The following NSDHL variants were observed in gnomAD, a reference collection of about 807,000 sequenced individuals.
NSDHL encodes the protein NAD(P) dependent 3-beta-hydroxysteroid dehydrogenase NSDHL.
A neutral mutation model predicts 23.0 loss-of-function variants in NSDHL; 1 was observed. The observed-to-expected ratio is 0.04, with a 90% CI of 0.02 to 0.21. The LOEUF is 0.21. Ranked by LOEUF, NSDHL falls within the 10% of genes least tolerant of loss-of-function variation. The pLI is 1.00. For synonymous variants in NSDHL, 128 were observed against 121.1 expected, an observed-to-expected ratio of 1.06 and a Z score of -0.37; for missense variants, 237 against 300.9, an observed-to-expected ratio of 0.79 and a Z score of 1.57.
intron 1 of NSDHL, among the ~76,000 whole-genome samples, chrX:152,837,667 G>A (rs1461234098): frequency 8.9e-6 from 1 of 112,026 alleles, no homozygotes; most frequent in Non-Finnish European, 1.9e-5. Context: ...TGGTGGATAA[G>A]CTTTTTGACA....
At chrX:152,843,362 G>A (rs1284847480) in intron 1 of NSDHL, among the ~76,000 whole-genome samples, 2 of 112,175 alleles carry the variant, frequency 1.8e-5, no homozygotes, top group Non-Finnish European at 3.8e-5. Flanking sequence ...ACCACAAACT[G>A]GGTGACTTAG....
chrX:152,865,364 C>T (rs1366610479), intron 5 of NSDHL, among the ~76,000 whole-genome samples: 1 of 112,513 alleles, frequency 8.9e-6, no homozygotes, highest in Non-Finnish European at 1.9e-5. Context: ...AGGTGATACT[C>T]AGAATTGCCT....
chrX:152,865,722 G>A, intron 5 of NSDHL, 97 bp from the exon 6 acceptor site: 1 of 1,050,084 alleles, frequency 9.5e-7, no homozygotes, highest in Non-Finnish European at 1.3e-6. Flanking sequence ...TCATCTGTCT[G>A]TCCCCCACGA....
chrX:152,860,277 G>A (rs1933505596), intron 4 of NSDHL, among the ~76,000 whole-genome samples: 1 of 112,101 alleles, frequency 8.9e-6, no homozygotes, highest in Admixed American at 9.5e-5. Flanking sequence ...GGGGCTAAAC[G>A]ATGTCTCTTT....
chrX:152,839,142 A>G (rs782700559), intron 1 of NSDHL, among the ~76,000 whole-genome samples: 49 of 110,790 alleles, frequency 4.4e-4, no homozygotes, highest in African/African-American at 1.5e-3. Flanking sequence ...TTTGCTTTCC[A>G]TTTGCTTGGT....
chrX:152,868,217 A>T (rs188517045), intron 7 of NSDHL, among the ~76,000 whole-genome samples: 62 of 105,631 alleles, frequency 5.9e-4, no homozygotes, highest in African/African-American at 2.0e-3. Flanking sequence ...GGTTCACTGC[A>T]ACCTCCGTCT....
chrX:152,850,733 C>T (rs1377862241), intron 3 of NSDHL, among the ~76,000 whole-genome samples: 1 of 112,397 alleles, frequency 8.9e-6, no homozygotes, highest in African/African-American at 3.2e-5. Context: ...ATTGTTCCAA[C>T]TGCAAAACAA....
Position 152,862,670 on chromosome X carries a change from C to G in NSDHL, c.489C>G (p.Pro163=), listed in dbSNP as rs1372628849. The G allele has an allele frequency of 5.0e-6, 6 of 1,203,541 alleles. No homozygotes were observed. Among genetic ancestry groups the G allele is most frequent in the African/African-American group, 1.8e-5 (1 of 56,994 alleles). Residue 163 remains proline (P), a synonymous_variant, in exon 5 of 8, where the codon CCC becomes CCG. Transcript: ENST00000370274. The part of the protein sequence containing the change: ...VDIKNGTEDL[P]YAMKPIDYYT... Reference sequence around the variant, plus strand: ...TCAAGAATGGAACTGAAGACCTTCCCTATGCCATGAAACCCATTGACTACT... The same window carrying G: ...TCAAGAATGGAACTGAAGACCTTCCGTATGCCATGAAACCCATTGACTACT...
At chrX:152,844,521 G>C (rs1933242104) in intron 1 of NSDHL, among the ~76,000 whole-genome samples, 1 of 112,554 alleles carries the variant, frequency 8.9e-6, no homozygotes, top group Non-Finnish European at 1.9e-5. Context: ...GCCTTGGTGG[G>C]GTCAGAGGCC....
intron 3 of NSDHL, 84 bp from the exon 4 acceptor site, chrX:152,858,686 C>A: frequency 1.2e-6 from 1 of 848,962 alleles, no homozygotes; most frequent in Non-Finnish European, 1.8e-6. Flanking sequence ...AACCTACAAG[C>A]CACAGGTTGG....
chrX:152,854,377 G>A (rs1307260823), intron 3 of NSDHL, among the ~76,000 whole-genome samples: 1 of 111,367 alleles, frequency 9.0e-6, no homozygotes, highest in Admixed American at 9.5e-5. Flanking sequence ...TGAAAGACAT[G>A]GCAGGAGAGG....
At chrX:152,844,258 T>G (rs1933237967) in intron 1 of NSDHL, among the ~76,000 whole-genome samples, 2 of 112,571 alleles carry the variant, frequency 1.8e-5, no homozygotes, top group Admixed American at 9.3e-5. Context: ...CCCCGAGGGC[T>G]ACCTGCTGGT....
chrX:152,862,760 A>T, intron 5 of NSDHL, 36 bp downstream of exon 5: 1 of 1,173,848 alleles, frequency 8.5e-7, no homozygotes, highest in Non-Finnish European at 1.2e-6. Flanking sequence ...GAGCAGACTG[A>T]AGGGTTTAGA....
intron 6 of NSDHL, 23 bp downstream of exon 6, chrX:152,865,984 TTCCC>T (rs1933602066): frequency 8.3e-7 from 1 of 1,207,341 alleles, no homozygotes; most frequent in African/African-American, 1.7e-5. Flanking sequence ...ACAGCGGCTC[TTCCC>T]TAGTCCTTCC....
rs150188455 is a variant in NSDHL at position 152,863,836 on chromosome X, G to A, written c.543+1112G>A. ...CCCACTGAGGTTTTCTCGCAAAGCCGGTACATGCTGTACTGGAGCTGAACA... is the reference window on the plus strand; with the variant it reads ...CCCACTGAGGTTTTCTCGCAAAGCCAGTACATGCTGTACTGGAGCTGAACA... On this transcript the variant is annotated intron_variant, in intron 5 of 7. Coordinates refer to ENST00000370274, the MANE Select transcript of NSDHL (RefSeq NM_015922.3). 2.1e-4 allele frequency among the ~76,000 whole-genome samples: 23 copies of A among 111,975 alleles called. No homozygotes were observed. The East Asian group carries it at 6.2e-3, about 30-fold the overall frequency.
At chrX:152,846,080 G>A (rs782008149) in intron 1 of NSDHL, among the ~76,000 whole-genome samples, 4 of 112,985 alleles carry the variant, frequency 3.5e-5, no homozygotes, top group African/African-American at 6.4e-5. Flanking sequence ...AGGCCCAGTC[G>A]TTGGCCCCGT....
At chrX:152,846,518 A>T (rs374448578) in intron 2 of NSDHL, 86 bp downstream of exon 2, 1 of 618,591 alleles carries the variant, frequency 1.6e-6, no homozygotes, top group Non-Finnish European at 2.8e-6. Flanking sequence ...TGTATTAATC[A>T]ATGTTGGGTA....
intron 1 of NSDHL, among the ~76,000 whole-genome samples, chrX:152,839,277 T>C (rs1556844593): frequency 8.9e-6 from 1 of 112,394 alleles, no homozygotes; most frequent in African/African-American, 3.2e-5. Flanking sequence ...GTCTTTTAAT[T>C]GGGGCATTTA....
At chrX:152,832,659 C>G (rs1933032285) in intron 1 of NSDHL, among the ~76,000 whole-genome samples, 1 of 111,898 alleles carries the variant, frequency 8.9e-6, no homozygotes, top group South Asian at 3.7e-4. Context: ...GTCCGTCAAC[C>G]TGCAGATCGG....
Sources: allele counts gnomAD v4.1 joint callset (sites outside exome capture counted in the v4.1 genomes callset), GRCh38; gene constraint gnomAD v4.1.1; transcripts MANE v1.5; gene names NCBI Gene and HGNC (gene_info 2026-07-23, HGNC 2026-07-21).